Variants in PNLDC1 observed in about 807,000 individuals in gnomAD.
PNLDC1 encodes the protein PARN like ribonuclease domain containing exonuclease 1.
A neutral mutation model predicts 82.0 loss-of-function variants in PNLDC1; 70 were observed. The ratio of observed to expected loss-of-function variants is 0.85; its 90% confidence interval spans 0.70 to 1.04. PNLDC1 has a LOEUF of 1.04. PNLDC1 is among the 50% of genes least tolerant of loss of function. The pLI, the probability that PNLDC1 is intolerant of heterozygous loss-of-function variation, is 0.00. For synonymous variants in PNLDC1, 280 were observed against 249.3 expected, an observed-to-expected ratio of 1.12 and a Z score of -1.16; for missense variants, 631 against 661.1, an observed-to-expected ratio of 0.95 and a Z score of 0.50.
rs372153625 is a variant in PNLDC1, at chr6:159,801,105, G to A, written c.135-8G>A. On this transcript the variant is annotated splice_region_variant and splice_polypyrimidine_tract_variant and intron_variant, in intron 2 of 18. Coordinates refer to ENST00000392167, the MANE Select transcript of PNLDC1 (RefSeq NM_001271862.2). ...TGCTCGTGGAATGAGATGCCTGTTTGTTCACAGTCTTTTTGATTTGCCATC... is the reference window on the plus strand; with the variant it reads ...TGCTCGTGGAATGAGATGCCTGTTTATTCACAGTCTTTTTGATTTGCCATC... 2 of 1,614,006 alleles carry A rather than the reference G, an allele frequency of 1.2e-6. No homozygotes were observed. Among genetic ancestry groups the A allele is most frequent in the Non-Finnish European group, 1.7e-6 (2 of 1,179,950 alleles).
chr6:159,804,474 C>G, intron 5 of PNLDC1, 75 bp from the exon 6 acceptor site: 2 of 1,003,036 alleles, frequency 2.0e-6, no homozygotes, highest in South Asian at 2.8e-5. Context: ...TTCTACCTGT[C>G]CTCGTGAAAT....
chr6:159,818,476 C>A, intron 15 of PNLDC1, 79 bp from the exon 16 acceptor site: 1 of 1,289,076 alleles, frequency 7.8e-7, no homozygotes, highest in Non-Finnish European at 1.1e-6. Context: ...TCTGTTCTGT[C>A]ACCGGATTCT....
In PNLDC1 at chr6:159,813,315, T is replaced by C. The variant is rs542548272; in HGVS notation, c.940-286T>C. Among the ~76,000 whole-genome samples the C allele has an allele frequency of 4.5e-4, 69 of 152,332 alleles. No homozygotes were observed. The South Asian group carries it at 5.2e-3, about 11-fold the overall frequency. On this transcript the variant is annotated intron_variant, in intron 11 of 18. Transcript: ENST00000392167. The stretch of plus-strand genomic sequence containing the variant: ...TGGCCTTTGTCCTCGTGCCTTGCTT[T>C]CCTGTGTTTATGGGTAATCTGTTGA...
chr6:159,810,016 C>T lies in PNLDC1; in HGVS notation c.784-10C>T, dbSNP rs1237403051. The T allele has an allele frequency of 6.2e-7, 1 of 1,611,334 alleles. No individual in the cohort carries two copies. The highest frequency in any genetic ancestry group is 8.5e-7 in the Non-Finnish European group (1 of 1,177,644). ...TTATTTTCTCTCACCTGTTGATTTA[C>T]TCCAAGTAGCCCTTAGTGGGACATA... On this transcript the variant is annotated splice_polypyrimidine_tract_variant and intron_variant, in intron 9 of 18. Coordinates refer to ENST00000392167, the MANE Select transcript of PNLDC1 (RefSeq NM_001271862.2).
intron 11 of PNLDC1, 38 bp from the exon 12 acceptor site, chr6:159,813,563 G>A (rs564515779): frequency 1.0e-5 from 16 of 1,570,088 alleles, no homozygotes; most frequent in Non-Finnish European, 1.2e-5. Context: ...AAACAAAAGC[G>A]CAAATGTTTT....
At chr6:159,805,389 G>A (rs4709377) in intron 6 of PNLDC1, among the ~76,000 whole-genome samples, 35,969 of 152,146 alleles carry the variant, frequency 0.24, 4,383 homozygotes, top group East Asian at 0.4. Context: ...TCTGAAATGC[G>A]ATGAGTGATG....
chr6:159,800,933 C>T, intron 2 of PNLDC1, 104 bp downstream of exon 2: 3 of 1,544,852 alleles, frequency 1.9e-6, no homozygotes, highest in South Asian at 2.2e-5. Context: ...TTTTGTGTGG[C>T]TTGCTCCTAC....
intron 6 of PNLDC1, among the ~76,000 whole-genome samples, chr6:159,804,890 A>C (rs1781393086): frequency 6.6e-6 from 1 of 152,242 alleles, no homozygotes; most frequent in African/African-American, 2.4e-5. Context: ...TTTAAAAAGA[A>C]AAAGAAACTG....
intron 12 of PNLDC1, among the ~76,000 whole-genome samples, chr6:159,814,239 C>T (rs549640338): frequency 2.6e-4 from 39 of 152,198 alleles, no homozygotes; most frequent in Non-Finnish European, 4.6e-4. Context: ...GTCAGCAGGA[C>T]GAGGCACGAG....
In PNLDC1 at chr6:159,809,173, C is replaced by T. The variant is rs1440476511; in HGVS notation, c.783+15C>T. The T allele has an allele frequency of 6.2e-7, 1 of 1,612,824 alleles. No homozygotes were observed. Among genetic ancestry groups the T allele is most frequent in the African/African-American group, 1.3e-5 (1 of 74,734 alleles). On this transcript the variant is annotated intron_variant, in intron 9 of 18. Coordinates refer to ENST00000392167, the MANE Select transcript of PNLDC1 (RefSeq NM_001271862.2). The stretch of plus-strand genomic sequence containing the variant: ...AAGCCCAGAAGGTAGGAAAACATGT[C>T]TCTTTTCTTGGCCTAAAGGCAGTCT...
At chr6:159,820,096 A>G (rs1479279444) in intron 18 of PNLDC1, among the ~76,000 whole-genome samples, 1 of 152,186 alleles carries the variant, frequency 6.6e-6, no homozygotes, top group Non-Finnish European at 1.5e-5. Flanking sequence ...GCGACAGACC[A>G]GAGAAGGATC....
chr6:159,802,309 G>A (rs1186000350), intron 3 of PNLDC1, among the ~76,000 whole-genome samples: 1 of 152,114 alleles, frequency 6.6e-6, no homozygotes, highest in Non-Finnish European at 1.5e-5. Flanking sequence ...CGCACCATTG[G>A]GTTTTTGCTG....
intron 7 of PNLDC1, 23 bp downstream of exon 7, chr6:159,806,106 A>G (rs1385958000): frequency 6.3e-7 from 1 of 1,575,572 alleles, no homozygotes; most frequent in Non-Finnish European, 8.7e-7. Flanking sequence ...TGTTCCTCCC[A>G]ACGCAGGAGC....
intron 7 of PNLDC1, among the ~76,000 whole-genome samples, chr6:159,807,442 TTCCTAG>T: frequency 6.6e-6 from 1 of 152,284 alleles, no homozygotes; most frequent in Admixed American, 6.5e-5. Flanking sequence ...CTCGCAGTAT[TTCCTAG>T]TGATAAAATT....
intron 7 of PNLDC1, among the ~76,000 whole-genome samples, chr6:159,806,552 C>T (rs1294215944): frequency 6.6e-6 from 1 of 152,156 alleles, no homozygotes; most frequent in Non-Finnish European, 1.5e-5. Context: ...TTGCTATTGT[C>T]ATTGTGCCAT....
chr6:159,802,385 C>G (rs1299309332), intron 3 of PNLDC1, among the ~76,000 whole-genome samples: 2 of 152,112 alleles, frequency 1.3e-5, no homozygotes, highest in African/African-American at 4.8e-5. Context: ...TCTGAAGTAG[C>G]TGGGAGTGCT....
At position 159,806,029 on chromosome 6, in the gene PNLDC1, C is replaced by T. The variant is rs780297384; in HGVS notation, c.508C>T (p.Arg170Trp). The T allele has an allele frequency of 2.0e-5, 32 of 1,614,070 alleles. No homozygotes were observed. Among genetic ancestry groups the T allele is most frequent in the Admixed American group, 1.2e-4 (7 of 60,002 alleles). ...CAAGGTGGTGATTGACGAAGTGACG[C>T]GGTGGCTGGAGCTGGCCAAGGAAGG... The part of the protein sequence containing the change: ...QIKVVIDEVT[R>W]WLELAKEGDW... The change falls in exon 7 of 19, where the codon CGG becomes TGG. Residue 170 changes from arginine (R) to tryptophan (W), a missense_variant. Coordinates refer to ENST00000392167, the MANE Select transcript of PNLDC1 (RefSeq NM_001271862.2).
At chr6:159,801,255 A>T in intron 3 of PNLDC1, 69 bp downstream of exon 3, 1 of 1,397,540 alleles carries the variant, frequency 7.2e-7, no homozygotes, top group South Asian at 1.2e-5. Flanking sequence ...TTCCTACTGT[A>T]AAAACAGCTC....
chr6:159,820,687 C>T lies in PNLDC1; in HGVS notation c.*170C>T, dbSNP rs1354425639. 1.5e-6 allele frequency: 1 copy of T among 654,364 alleles called. No homozygotes were observed. The highest frequency in any genetic ancestry group is 1.8e-5 in the African/African-American group (1 of 55,790). 40.5% of individuals were successfully genotyped at this position (654,364 alleles called of 1,614,324 possible). A position where few individuals can be genotyped will look rare whatever the true frequency, so the allele number is the denominator to read the frequency against. On this transcript the variant is annotated 3_prime_UTR_variant, in exon 19 of 19. Coordinates refer to ENST00000392167, the MANE Select transcript of PNLDC1 (RefSeq NM_001271862.2). ...TCTGTCAACACTCTCAATGATAAATCAGTCCTTAGATATCGTACCTGTATG... is the reference window on the plus strand; with the variant it reads ...TCTGTCAACACTCTCAATGATAAATTAGTCCTTAGATATCGTACCTGTATG...
Sources: allele counts gnomAD v4.1 joint callset (sites outside exome capture counted in the v4.1 genomes callset), GRCh38; gene constraint gnomAD v4.1.1; transcripts MANE v1.5; gene names NCBI Gene and HGNC (gene_info 2026-07-23, HGNC 2026-07-21).